NHSL1: variants seen among roughly 807,000 people sequenced by gnomAD.
NHSL1 encodes NHS-like protein 1.
In NHSL1, 48 loss-of-function variants were observed where a neutral mutation model predicts 95.0. The observed-to-expected ratio is 0.51, with a 90% CI of 0.40 to 0.64. The LOEUF (loss-of-function observed/expected upper bound fraction) is 0.64, where lower values mean the gene tolerates loss of function less well. Among genes scored for constraint, NHSL1 ranks in the 30% least tolerant of loss-of-function variants. The pLI is 0.00. For synonymous variants in NHSL1, 783 were observed against 833.9 expected (o/e 0.94, Z 1.05); for missense variants, 1,971 against 2,077.7 (o/e 0.95, Z 1.00).
Position 138,433,326 on chromosome 6 carries a change from C to A in NHSL1, c.1019G>T (p.Arg340Met), listed in dbSNP as rs1443350497. 6.4e-7 allele frequency: 1 copy of A among 1,551,852 alleles called. No individual in the cohort carries two copies. The highest frequency in any genetic ancestry group is 8.7e-7 in the Non-Finnish European group (1 of 1,147,048). Residue 340 changes from arginine (R) to methionine (M), a missense_variant, in exon 6 of 8, where the codon AGG becomes ATG. Physicochemically the swap from Arg to Met is moderately conservative, Grantham distance 91 (BLOSUM62 -1). Coordinates refer to ENST00000343505, the MANE Select transcript of NHSL1 (RefSeq NM_001144060.2). ...ARANIQSLEP[R>M]LGALGPAGDM... ...TCCTGCAGGGCCGAGGGCACCCAGC[C>A]TCGGCTCAAGGGACTGAATGTTTGC...
At position 138,442,470 on chromosome 6, in the gene NHSL1, G is replaced by A. The variant is rs150325833; in HGVS notation, c.533-356C>T. Among the ~76,000 whole-genome samples, 36 of 152,296 alleles carry A rather than the reference G, an allele frequency of 2.4e-4. No individual in the cohort carries two copies. The East Asian group carries it at 5.4e-3, about 23-fold the overall frequency. On this transcript the variant is annotated intron_variant, in intron 4 of 7. Transcript: ENST00000343505. The stretch of plus-strand genomic sequence containing the variant: ...GTCACCAAAACCACTCTACATTAGC[G>A]TGTAGGTGGTGATGGTAATGAGTAT...
chr6:138,455,225 T>G (rs17067621), intron 3 of NHSL1, among the ~76,000 whole-genome samples: 1 of 152,016 alleles, frequency 6.6e-6, no homozygotes, highest in African/African-American at 2.4e-5. Context: ...TGATTGGACA[T>G]GGAGTAATCA....
In NHSL1 at chr6:138,423,284, A is replaced by G. The variant is rs1194919658; in HGVS notation, c.*797T>C. The G allele has an allele frequency of 6.6e-6, 1 of 152,164 alleles. No individual in the cohort carries two copies. The highest frequency in any genetic ancestry group is 1.5e-5 in the Non-Finnish European group (1 of 68,040). The allele number at this position is 152,164 out of a possible 1,614,324, so 9.4% of individuals were successfully genotyped here. On this transcript the variant is annotated 3_prime_UTR_variant, in exon 8 of 8. Transcript: ENST00000343505. ...TGTCCACACCATCACTTCAGTTGTC[A>G]ATGACCTCAGCTGCTACTCAAGGAG...
intron 2 of NHSL1, among the ~76,000 whole-genome samples, chr6:138,484,199 A>G (rs1028651888): frequency 6.6e-6 from 1 of 152,214 alleles, no homozygotes; most frequent in Non-Finnish European, 1.5e-5. Context: ...CAACTCCCCA[A>G]AGCTTTCTAG....
At chr6:138,587,414 T>A (rs9385834) in intron 1 of NHSL1, among the ~76,000 whole-genome samples, 27,136 of 148,538 alleles carry the variant, frequency 0.18, 3,142 homozygotes, top group East Asian at 0.39. Flanking sequence ...AAACCCCATC[T>A]CTACTAAAAA....
At chr6:138,594,950 G>A (rs76309427) in intron 1 of NHSL1, among the ~76,000 whole-genome samples, 3 of 151,974 alleles carry the variant, frequency 2.0e-5, no homozygotes, top group Non-Finnish European at 4.4e-5. Flanking sequence ...CCCAGACCCT[G>A]TTCCCCAGCA....
At chr6:138,633,440 G>T (rs1784848107) in intron 1 of NHSL1, among the ~76,000 whole-genome samples, 1 of 152,114 alleles carries the variant, frequency 6.6e-6, no homozygotes, top group African/African-American at 2.4e-5. Context: ...AAAGCAGCAA[G>T]GAAAAAGAAA....
At chr6:138,464,230 G>A in intron 3 of NHSL1, 1 of 817,880 alleles carries the variant, frequency 1.2e-6, no homozygotes, top group South Asian at 1.6e-5. Flanking sequence ...CCGCCAGCTT[G>A]GCCATCACGG....
At chr6:138,473,844 A>T (rs942617015) in intron 2 of NHSL1, among the ~76,000 whole-genome samples, 48 of 126,994 alleles carry the variant, frequency 3.8e-4, no homozygotes, top group African/African-American at 1.3e-3. Flanking sequence ...TATTCCACAT[A>T]AAAAAAAAAA....
At chr6:138,654,971 T>A (rs1785138989) in intron 1 of NHSL1, among the ~76,000 whole-genome samples, 1 of 152,182 alleles carries the variant, frequency 6.6e-6, no homozygotes, top group African/African-American at 2.4e-5. Flanking sequence ...GCTTTGATTT[T>A]TAAGAATTTA....
intron 1 of NHSL1, among the ~76,000 whole-genome samples, chr6:138,538,582 C>T (rs948041896): frequency 6.6e-6 from 1 of 152,144 alleles, no homozygotes; most frequent in East Asian, 1.9e-4. Flanking sequence ...CCAATGTTCG[C>T]GCCCTCGAGA....
chr6:138,448,189 G>A (rs1166952030), intron 3 of NHSL1, among the ~76,000 whole-genome samples: 1 of 152,144 alleles, frequency 6.6e-6, no homozygotes, highest in Non-Finnish European at 1.5e-5. Context: ...CAAGAAAGTT[G>A]TGTTGGCGAG....
upstream of NHSL1, among the ~76,000 whole-genome samples, chr6:138,546,207 C>T (rs1453778208): frequency 3.9e-5 from 6 of 151,972 alleles, no homozygotes; most frequent in East Asian, 7.7e-4. Flanking sequence ...TCTGAGTCTA[C>T]GTAAATGAGT....
intron 5 of NHSL1, among the ~76,000 whole-genome samples, chr6:138,440,823 T>A (rs186043154): frequency 1.2e-3 from 184 of 152,336 alleles, no homozygotes; most frequent in Admixed American, 2.7e-3. Context: ...TTACACTCAT[T>A]TTGACTAAAA....
chr6:138,642,545 A>G (rs2114687406), intron 1 of NHSL1, among the ~76,000 whole-genome samples: 1 of 152,330 alleles, frequency 6.6e-6, no homozygotes, highest in East Asian at 1.9e-4. Flanking sequence ...GGAAAGTCAA[A>G]CTGAATAAAG....
chr6:138,618,952 C>A (rs145658302), intron 1 of NHSL1, among the ~76,000 whole-genome samples: 1 of 152,326 alleles, frequency 6.6e-6, no homozygotes, highest in Non-Finnish European at 1.5e-5. Context: ...TTGGGTGTCA[C>A]TCTACCTGCT....
intron 7 of NHSL1, among the ~76,000 whole-genome samples, chr6:138,425,071 A>G (rs1207555319): frequency 6.6e-6 from 1 of 152,076 alleles, no homozygotes; most frequent in African/African-American, 2.4e-5. Flanking sequence ...CTCTATTCAA[A>G]AAAAAAGAAA....
rs185288884 is a variant in NHSL1, at chr6:138,564,871, G to A, written c.202+6839C>T. Among the ~76,000 whole-genome samples, 130 of 152,290 alleles carry A rather than the reference G, an allele frequency of 8.5e-4. 3 individuals are homozygous for A. Among genetic ancestry groups the A allele is most frequent in the South Asian group, 1.7e-3 (8 of 4,830 alleles). On this transcript the variant is annotated intron_variant, in intron 1 of 6. Transcript: ENST00000427025. ...TTTTAAAGCGAGTCTAGAAGGATAA[G>A]TAGGAGGTCAACAGGCAGGGGAGGC...
chr6:138,614,599 A>G (rs1301718306), intron 1 of NHSL1, among the ~76,000 whole-genome samples: 1 of 152,098 alleles, frequency 6.6e-6, no homozygotes, highest in Admixed American at 6.6e-5. Context: ...TCCCATTTCA[A>G]CCGAGGAAAC....
Sources: gnomAD v4.1 joint callset for allele counts (sites outside exome capture counted in the v4.1 genomes callset) on GRCh38, gnomAD v4.1.1 for gene constraint, MANE v1.5 for transcripts, NCBI Gene and HGNC (gene_info 2026-07-23, HGNC 2026-07-21) for gene names.